TFEC: variants seen among roughly 807,000 people sequenced by gnomAD.
TFEC encodes the protein transcription factor EC.
A neutral mutation model predicts 41.6 loss-of-function variants in TFEC; 31 were observed. The ratio of observed to expected loss-of-function variants is 0.74; its 90% CI spans 0.56 to 1.01. TFEC has a LOEUF of 1.01. TFEC is among the 50% of genes least tolerant of loss of function. TFEC has a pLI of 0.00. For synonymous variants in TFEC, 143 were observed against 140.6 expected (o/e 1.02, Z -0.12); for missense variants, 402 against 404.1 (o/e 0.99, Z 0.04).
intron 3 of TFEC, among the ~76,000 whole-genome samples, chr7:116,077,958 A>G (rs1471226219): frequency 6.6e-6 from 1 of 152,144 alleles, no homozygotes; most frequent in Admixed American, 6.6e-5. Context: ...ATTCCACCCA[A>G]CAACTGCAGA....
intron 1 of TFEC, among the ~76,000 whole-genome samples, chr7:116,005,821 A>G (rs1003951243): frequency 8.5e-5 from 13 of 152,176 alleles, no homozygotes; most frequent in Admixed American, 3.9e-4. Context: ...GTTTCTGAGG[A>G]AAAAATGGTT....
At chr7:116,036,105 A>G (rs533625827) in intron 3 of TFEC, among the ~76,000 whole-genome samples, 153 of 152,192 alleles carry the variant, frequency 1.0e-3, no homozygotes, top group Admixed American at 1.7e-3. Flanking sequence ...TAATTGTTAT[A>G]CTGTATTGTC....
chr7:116,030,113 A>G (rs1374157558), intron 1 of TFEC, among the ~76,000 whole-genome samples: 1 of 152,152 alleles, frequency 6.6e-6, no homozygotes, highest in African/African-American at 2.4e-5. Flanking sequence ...TACACAAGCT[A>G]TTTAGATCCA....
chr7:116,060,074 T>A (rs555624362), intron 3 of TFEC, among the ~76,000 whole-genome samples: 1 of 152,128 alleles, frequency 6.6e-6, no homozygotes. Context: ...CCCAACTGAA[T>A]CTACAAAATA....
At chr7:116,129,391 T>A (rs1345933059) in intron 1 of TFEC, among the ~76,000 whole-genome samples, 1 of 151,586 alleles carries the variant, frequency 6.6e-6, no homozygotes, top group African/African-American at 2.4e-5. Context: ...ATCAAAGGAG[T>A]ATAAAAGTAA....
At chr7:116,154,102 CTTTAA>C (rs907568326) in intron 1 of TFEC, among the ~76,000 whole-genome samples, 10 of 152,142 alleles carry the variant, frequency 6.6e-5, no homozygotes, top group Admixed American at 4.6e-4. Context: ...GAGGACTGTT[CTTTAA>C]TTTTAGTTAT....
chr7:115,946,095 C>A (rs551174551), intron 6 of TFEC, among the ~76,000 whole-genome samples: 96 of 151,776 alleles, frequency 6.3e-4, no homozygotes, highest in African/African-American at 2.1e-3. Flanking sequence ...AACTTTATAA[C>A]TTGCAAACTA....
intron 3 of TFEC, among the ~76,000 whole-genome samples, chr7:116,109,103 C>T (rs994564769): frequency 1.3e-5 from 2 of 151,622 alleles, no homozygotes; most frequent in Non-Finnish European, 2.9e-5. Context: ...AATGTTAGAC[C>T]TAAAACCATA....
chr7:116,139,591 T>A (rs1298639751), intron 1 of TFEC, among the ~76,000 whole-genome samples: 2 of 152,214 alleles, frequency 1.3e-5, no homozygotes, highest in African/African-American at 4.8e-5. Flanking sequence ...ATTTAGTTTA[T>A]GATCAAGGTT....
chr7:116,092,088 C>G (rs1389369230), intron 3 of TFEC, among the ~76,000 whole-genome samples: 1 of 152,124 alleles, frequency 6.6e-6, no homozygotes, highest in Non-Finnish European at 1.5e-5. Context: ...GCTACTAGAT[C>G]TCCCATAAAG....
chr7:116,104,403 T>G (rs1206834438), intron 3 of TFEC, among the ~76,000 whole-genome samples: 1 of 152,192 alleles, frequency 6.6e-6, no homozygotes, highest in Non-Finnish European at 1.5e-5. Context: ...ATATGACTTC[T>G]CTAAGTTTCT....
chr7:116,120,101 C>A (rs1798078577), intron 1 of TFEC: 1 of 151,630 alleles, frequency 6.6e-6, no homozygotes, highest in South Asian at 2.1e-4. Flanking sequence ...TGCACCTGGG[C>A]CTGGGAATGA....
intron 2 of TFEC, among the ~76,000 whole-genome samples, chr7:115,975,067 A>T (rs1346330478): frequency 6.6e-6 from 1 of 152,108 alleles, no homozygotes; most frequent in Non-Finnish European, 1.5e-5. Context: ...TGGAGGAAGG[A>T]CTGACATCCT....
chr7:116,020,623 C>T (rs909485246), intron 1 of TFEC, among the ~76,000 whole-genome samples: 5 of 152,030 alleles, frequency 3.3e-5, no homozygotes, highest in Non-Finnish European at 7.4e-5. Context: ...CTTTCCTTGT[C>T]GTAATCACAC....
At chr7:115,957,047 G>A (rs1462549950) in intron 3 of TFEC, among the ~76,000 whole-genome samples, 1 of 151,932 alleles carries the variant, frequency 6.6e-6, no homozygotes, top group African/African-American at 2.4e-5. Context: ...GTTCATGTAT[G>A]AAGGAAAATT....
Position 116,107,361 on chromosome 7 carries a change from A to T in TFEC, c.198+3347T>A, listed in dbSNP as rs572523364. On this transcript the variant is annotated intron_variant, in intron 3 of 8. Coordinates refer to the TFEC transcript ENST00000484212. ...AGCACTTACCATCTTGGTCATAATG[A>T]CCAGGCCAAGGGCTAGACATGCGAG... is the stretch of plus-strand genomic sequence containing the variant. Among the ~76,000 whole-genome samples, 6 of 152,274 alleles carry T rather than the reference A, an allele frequency of 3.9e-5. No individual in the cohort carries two copies. The East Asian group carries it at 1.2e-3, about 29-fold the overall frequency.
At chr7:116,014,222 C>G (rs1795106494) in intron 1 of TFEC, among the ~76,000 whole-genome samples, 1 of 151,970 alleles carries the variant, frequency 6.6e-6, no homozygotes, top group African/African-American at 2.4e-5. Flanking sequence ...CTTGGCTTAT[C>G]CTGCATAAAT....
chr7:116,111,463 C>G (rs1013315330), intron 2 of TFEC, among the ~76,000 whole-genome samples: 1 of 151,988 alleles, frequency 6.6e-6, no homozygotes, highest in Non-Finnish European at 1.5e-5. Context: ...TACATCTCCC[C>G]GGATGAAAGT....
At chr7:116,126,652 G>A (rs1314540866) in intron 1 of TFEC, among the ~76,000 whole-genome samples, 1 of 151,868 alleles carries the variant, frequency 6.6e-6, no homozygotes, top group Non-Finnish European at 1.5e-5. Flanking sequence ...AATTAGGGAG[G>A]AGCGTGGATA....
Sources: allele counts gnomAD v4.1 joint callset (sites outside exome capture counted in the v4.1 genomes callset), GRCh38; gene constraint gnomAD v4.1.1; transcripts MANE v1.5; gene names NCBI Gene and HGNC (gene_info 2026-07-23, HGNC 2026-07-21).